Variants in CAMTA1 observed in about 807,000 individuals in gnomAD.
The protein encoded by CAMTA1 is calmodulin binding transcription activator 1, also known as calmodulin-binding transcription activator 1.
Under a neutral mutation model 170.9 loss-of-function variants are expected in CAMTA1, and 27 were observed. The observed-to-expected ratio is 0.16, with a 90% CI of 0.12 to 0.22. CAMTA1 has a LOEUF of 0.22. Ranked by LOEUF, CAMTA1 falls within the 10% of genes least tolerant of loss-of-function variation. CAMTA1 has a pLI of 1.00. For synonymous variants in CAMTA1, 833 were observed against 891.5 expected, an observed-to-expected ratio of 0.93 and a Z score of 1.17; for missense variants, 1,619 against 2,217.2, an observed-to-expected ratio of 0.73 and a Z score of 5.42.
chr1:7,128,369 C>T (rs1645053463), intron 4 of CAMTA1, among the ~76,000 whole-genome samples: 1 of 152,128 alleles, frequency 6.6e-6, no homozygotes, highest in Non-Finnish European at 1.5e-5. Context: ...CACGGGTGGC[C>T]AGGGAAGGCC....
chr1:7,354,395 C>T (rs530916930), intron 5 of CAMTA1, among the ~76,000 whole-genome samples: 13 of 151,424 alleles, frequency 8.6e-5, no homozygotes, highest in South Asian at 2.1e-4. Context: ...GTGATCCGCC[C>T]GCCTCGGCCT....
chr1:7,608,931 C>A (rs1460339459), intron 6 of CAMTA1, among the ~76,000 whole-genome samples: 2 of 152,128 alleles, frequency 1.3e-5, no homozygotes, highest in Admixed American at 1.3e-4. Context: ...TGAGCCCTAC[C>A]TGGCCTTTTC....
intron 5 of CAMTA1, among the ~76,000 whole-genome samples, chr1:7,465,472 A>C (rs552037235): frequency 7.1e-6 from 1 of 140,204 alleles, no homozygotes; most frequent in African/African-American, 2.8e-5. Context: ...TCCAGGGACC[A>C]CGCTTCTCAT....
At chr1:7,005,035 G>A (rs1310742915) in intron 3 of CAMTA1, among the ~76,000 whole-genome samples, 2 of 152,206 alleles carry the variant, frequency 1.3e-5, no homozygotes, top group East Asian at 3.8e-4. Context: ...GCCTTCCAAA[G>A]TGCTGGGATT....
intron 6 of CAMTA1, among the ~76,000 whole-genome samples, chr1:7,507,099 C>T (rs1439106551): frequency 1.3e-5 from 2 of 151,844 alleles, no homozygotes; most frequent in Non-Finnish European, 2.9e-5. Flanking sequence ...CACACCCACA[C>T]TTACATGCTC....
chr1:7,408,632 TTGGTGA>T (rs2149245952), intron 5 of CAMTA1, among the ~76,000 whole-genome samples: 1 of 152,270 alleles, frequency 6.6e-6, no homozygotes, highest in South Asian at 2.1e-4. Context: ...GCTCTCGATT[TTGGTGA>T]TGGTGCCAGG....
intron 3 of CAMTA1, chr1:6,872,172 TC>T: frequency 5.2e-6 from 1 of 193,924 alleles, no homozygotes; most frequent in Non-Finnish European, 9.9e-6. Flanking sequence ...CCATACCTCT[TC>T]TCTACTCCCA....
intron 5 of CAMTA1, among the ~76,000 whole-genome samples, chr1:7,256,539 G>A (rs976152899): frequency 2.6e-5 from 4 of 152,088 alleles, no homozygotes; most frequent in African/African-American, 4.8e-5. Context: ...CAGCCTGGGC[G>A]ACAGCGAGAC....
At chr1:6,899,560 A>ACT (rs1557788040) in intron 3 of CAMTA1, among the ~76,000 whole-genome samples, 1 of 117,580 alleles carries the variant, frequency 8.5e-6, no homozygotes, top group East Asian at 2.1e-4. Context: ...GCGCGCACAC[A>ACT]CACACACACA....
chr1:7,485,717 C>G (rs2093609291), intron 6 of CAMTA1, among the ~76,000 whole-genome samples: 1 of 152,198 alleles, frequency 6.6e-6, no homozygotes, highest in Non-Finnish European at 1.5e-5. Context: ...CGGCCCAGTG[C>G]CTTGCTTTGC....
chr1:7,481,753 C>T (rs2093539252), intron 6 of CAMTA1, among the ~76,000 whole-genome samples: 1 of 151,670 alleles, frequency 6.6e-6, no homozygotes, highest in Non-Finnish European at 1.5e-5. Context: ...TCCCCCAAGT[C>T]TTTCAAGGTG....
chr1:6,814,945 G>A (rs896953137), intron 1 of CAMTA1, among the ~76,000 whole-genome samples: 22 of 151,970 alleles, frequency 1.4e-4, no homozygotes, highest in Non-Finnish European at 2.4e-4. Flanking sequence ...CAATGAATGT[G>A]CCTGTGTGTA....
intron 5 of CAMTA1, among the ~76,000 whole-genome samples, chr1:7,350,227 C>T (rs1037229563): frequency 6.6e-6 from 1 of 152,176 alleles, no homozygotes. Flanking sequence ...GAGCACCCCT[C>T]ATTGGCAGGA....
rs901337886 is a variant in CAMTA1 at position 7,547,903 on chromosome 1, T to C, written c.510+80002T>C. Reference sequence around the variant, plus strand: ...TGTGGACCCCCCACTCACCCGTCAATATGCCCTTATGCTGTTGTAAGGAGG... The same window carrying C: ...TGTGGACCCCCCACTCACCCGTCAACATGCCCTTATGCTGTTGTAAGGAGG... On this transcript the variant is annotated intron_variant, in intron 6 of 22. Transcript: ENST00000303635. This position sits in a 1 kb window ranked among gnomAD's most constrained non-coding sequence, Gnocchi z 5.7. Among the ~76,000 whole-genome samples the C allele has an allele frequency of 7.2e-5, 11 of 152,018 alleles. No individual in the cohort carries two copies. The highest frequency in any genetic ancestry group is 1.2e-4 in the Non-Finnish European group (8 of 67,998).
At position 7,499,707 on chromosome 1, in the gene CAMTA1, A is replaced by AGT. The variant is rs143198883; in HGVS notation, c.510+31816_510+31817dup. Among the ~76,000 whole-genome samples the AGT allele has an allele frequency of 2.8e-3, 293 of 105,168 alleles. 4 individuals carry two copies. Among genetic ancestry groups the AGT allele is most frequent in the African/African-American group, 0.01 (284 of 27,140 alleles). The allele number at this position is 105,168 out of a possible 152,430, so 69.0% of individuals were successfully genotyped here. On this transcript the variant is annotated intron_variant, in intron 6 of 22. Transcript: ENST00000303635. ...CCTGGTGTGCGTGCATATGTATATG[A>AGT]GTGTGTGTGTGCATGTGTGTCCATG...
chr1:7,566,051 C>T lies in CAMTA1; in HGVS notation c.511-74349C>T, dbSNP rs142699454. 6.6e-5 allele frequency among the ~76,000 whole-genome samples: 10 copies of T among 152,280 alleles called. No individual in the cohort carries two copies. In the East Asian group the frequency reaches 1.2e-3, roughly 18 times the overall value. On this transcript the variant is annotated intron_variant, in intron 6 of 22. Coordinates refer to ENST00000303635, the MANE Select transcript of CAMTA1 (RefSeq NM_015215.4). ...CCTTCTAAAGCTGTATCTCTGATTA[C>T]GGTCACACTGGGGCTTTGAGCTTCA...
intron 1 of CAMTA1, among the ~76,000 whole-genome samples, chr1:6,812,528 CAA>C (rs893893430): frequency 1.3e-5 from 2 of 152,246 alleles, no homozygotes; most frequent in South Asian, 2.1e-4. Flanking sequence ...ACTACTGAAA[CAA>C]TATCATTTTA....
chr1:6,797,023 T>C (rs1226110058), intron 1 of CAMTA1, among the ~76,000 whole-genome samples: 1 of 152,252 alleles, frequency 6.6e-6, no homozygotes, highest in Non-Finnish European at 1.5e-5. Context: ...ATGATTAGAA[T>C]TGATGATTCA....
intron 3 of CAMTA1, chr1:6,888,314 T>A: frequency 1.1e-6 from 1 of 922,058 alleles, no homozygotes; most frequent in Non-Finnish European, 1.3e-6. Flanking sequence ...GCATAAAGCT[T>A]TTGTTGTGAT....
Sources: gnomAD v4.1 joint callset for allele counts (sites outside exome capture counted in the v4.1 genomes callset) on GRCh38, gnomAD v4.1.1 for gene constraint, Gnocchi (gnomAD v3.1) non-coding constraint, MANE v1.5 for transcripts, NCBI Gene and HGNC (gene_info 2026-07-23, HGNC 2026-07-21) for gene names.